The following ZCCHC7 variants were observed in gnomAD, a reference collection of about 807,000 sequenced individuals.
ZCCHC7 encodes zinc finger CCHC domain-containing protein 7.
In ZCCHC7, 35 loss-of-function variants were observed where a neutral mutation model predicts 52.0. The observed-to-expected ratio is 0.67, with a 90% CI of 0.51 to 0.89. The LOEUF (loss-of-function observed/expected upper bound fraction) is 0.89. Ranked by LOEUF, ZCCHC7 falls within the 40% of genes least tolerant of loss-of-function variation. ZCCHC7 has a pLI of 0.00. For missense variants in ZCCHC7, 574 were observed against 649.1 expected (o/e 0.88, Z 1.26); for synonymous variants, 217 against 221.5 (o/e 0.98, Z 0.18).
At chr9:37,137,801 T>C (rs945738603) in intron 2 of ZCCHC7, among the ~76,000 whole-genome samples, 3 of 152,234 alleles carry the variant, frequency 2.0e-5, no homozygotes, top group African/African-American at 7.2e-5. Flanking sequence ...AAACAATACA[T>C]TAAACTTTGC....
At chr9:37,199,747 C>A (rs1253805058) in intron 2 of ZCCHC7, among the ~76,000 whole-genome samples, 1 of 151,600 alleles carries the variant, frequency 6.6e-6, no homozygotes, top group Non-Finnish European at 1.5e-5. Flanking sequence ...TCTCTGTTGT[C>A]CAGGCTGGAG....
At chr9:37,149,203 G>T (rs553009816) in intron 2 of ZCCHC7, among the ~76,000 whole-genome samples, 1 of 152,088 alleles carries the variant, frequency 6.6e-6, no homozygotes, top group Non-Finnish European at 1.5e-5. Flanking sequence ...ATCTTGTACA[G>T]TATGGTATAG....
chr9:37,320,994 T>C (rs1424869634), intron 5 of ZCCHC7, among the ~76,000 whole-genome samples: 5 of 146,518 alleles, frequency 3.4e-5, no homozygotes, highest in Non-Finnish European at 7.5e-5. Flanking sequence ...TTTCTTTTTT[T>C]TTTTTTTTTT....
chr9:37,156,062 C>T (rs1395249351), intron 2 of ZCCHC7, among the ~76,000 whole-genome samples: 2 of 152,150 alleles, frequency 1.3e-5, no homozygotes, highest in Non-Finnish European at 2.9e-5. Context: ...TGTGTGTTAG[C>T]TGTTATTTTT....
chr9:37,233,878 G>A (rs529493152), intron 2 of ZCCHC7, among the ~76,000 whole-genome samples: 1 of 152,282 alleles, frequency 6.6e-6, no homozygotes, highest in African/African-American at 2.4e-5. Flanking sequence ...TTTTGAGACG[G>A]AGTCTTACTG....
At chr9:37,278,456 G>A (rs1469694364) in intron 2 of ZCCHC7, among the ~76,000 whole-genome samples, 1 of 151,738 alleles carries the variant, frequency 6.6e-6, no homozygotes, top group Non-Finnish European at 1.5e-5. Flanking sequence ...CTGAAAAACA[G>A]AAAGAAAACT....
intron 2 of ZCCHC7, among the ~76,000 whole-genome samples, chr9:37,175,763 T>A (rs955264737): frequency 4.6e-5 from 7 of 152,184 alleles, no homozygotes; most frequent in African/African-American, 1.7e-4. Context: ...TCTCCCATTT[T>A]ATAGTCCATT....
intron 2 of ZCCHC7, among the ~76,000 whole-genome samples, chr9:37,223,814 T>C (rs1824952367): frequency 6.6e-6 from 1 of 152,134 alleles, no homozygotes. Context: ...TGGTATAGTC[T>C]ATAACCATTG....
intron 6 of ZCCHC7, among the ~76,000 whole-genome samples, chr9:37,331,266 C>CTT (rs1291972246): frequency 6.6e-6 from 1 of 151,536 alleles, no homozygotes. Context: ...GCTTGACTTC[C>CTT]TTTCTGGCCT....
Position 37,126,517 on chromosome 9 carries a change from C to T in ZCCHC7, c.185C>T (p.Ser62Leu), listed in dbSNP as rs140974537. The change falls in exon 2 of 9, where the codon TCG becomes TTG. Residue 62 changes from serine (S) to leucine (L), a missense_variant. By Grantham distance (145) the Ser-to-Leu change is moderately radical (BLOSUM62 -2). Coordinates refer to ENST00000336755, the MANE Select transcript of ZCCHC7 (RefSeq NM_032226.3). ...CATGAAGAAAAGAACTCTGGGAATT[C>T]GGAATCTTCGAGTAGTAAACCAAAT... ...EEHEEKNSGN[S>L]ESSSSKPNQK... 994 of 1,613,760 alleles carry T rather than the reference C, an allele frequency of 6.2e-4. 5 individuals carry two copies. In the Middle Eastern group the frequency reaches 7.0e-3, roughly 11 times the overall value.
At chr9:37,307,859 G>A (rs1170515003) in intron 5 of ZCCHC7, among the ~76,000 whole-genome samples, 1 of 152,056 alleles carries the variant, frequency 6.6e-6, no homozygotes, top group African/African-American at 2.4e-5. Context: ...ACAAACAGTG[G>A]TGCATTTAAT....
intron 2 of ZCCHC7, among the ~76,000 whole-genome samples, chr9:37,235,727 T>C (rs1161147726): frequency 2.6e-5 from 4 of 151,538 alleles, no homozygotes; most frequent in Admixed American, 6.6e-5. Context: ...GCAGCTGGGA[T>C]TACAGGCACA....
chr9:37,155,084 GGTGTA>G (rs1422413029), intron 2 of ZCCHC7, among the ~76,000 whole-genome samples: 1 of 152,172 alleles, frequency 6.6e-6, no homozygotes, highest in African/African-American at 2.4e-5. Flanking sequence ...TGGCGGGCGG[GGTGTA>G]GTGGCTCACA....
At chr9:37,327,538 T>C (rs966198396) in intron 5 of ZCCHC7, 8 of 402,360 alleles carry the variant, frequency 2.0e-5, no homozygotes, top group East Asian at 1.1e-4. Context: ...CACATCTTAG[T>C]GCCCAAAACT....
At chr9:37,259,413 T>C (rs1826756154) in intron 2 of ZCCHC7, among the ~76,000 whole-genome samples, 1 of 152,210 alleles carries the variant, frequency 6.6e-6, no homozygotes, top group Non-Finnish European at 1.5e-5. Flanking sequence ...TCAAAATTTA[T>C]ACTTTTATAA....
rs1323058111 is a variant in ZCCHC7, at chr9:37,354,280, C to T, written c.1084-430C>T. 6.6e-6 allele frequency among the ~76,000 whole-genome samples: 1 copy of T among 152,062 alleles called. No homozygotes were observed. The highest frequency in any genetic ancestry group is 2.4e-5 in the African/African-American group (1 of 41,400). ...GAAAAAAAGATCAAAGGGCTTAGAA[C>T]TTATACCCACATTTTGGGGATAGGA... On this transcript the variant is annotated intron_variant, in intron 7 of 8. Coordinates refer to ENST00000336755, the MANE Select transcript of ZCCHC7 (RefSeq NM_032226.3). This position sits in a 1 kb window ranked among gnomAD's most constrained non-coding sequence, Gnocchi z 4.0.
intron 2 of ZCCHC7, among the ~76,000 whole-genome samples, chr9:37,274,788 G>A (rs12554988): frequency 1.0e-3 from 151 of 150,708 alleles, no homozygotes; most frequent in Admixed American, 1.7e-3. Context: ...TCATATGATT[G>A]TTAAAATCTT....
chr9:37,240,259 A>G (rs1319282602), intron 2 of ZCCHC7, among the ~76,000 whole-genome samples: 1 of 152,038 alleles, frequency 6.6e-6, no homozygotes, highest in Non-Finnish European at 1.5e-5. Flanking sequence ...TTTTTCTCAT[A>G]GTAAAATAAC....
intron 2 of ZCCHC7, among the ~76,000 whole-genome samples, chr9:37,229,065 GC>G (rs1825269114): frequency 6.6e-6 from 1 of 151,878 alleles, no homozygotes; most frequent in Admixed American, 6.6e-5. Context: ...GAACTCCTGA[GC>G]TCAAGCAATC....
Sources: allele counts gnomAD v4.1 joint callset (sites outside exome capture counted in the v4.1 genomes callset), GRCh38; gene constraint gnomAD v4.1.1; non-coding constraint Gnocchi (gnomAD v3.1); transcripts MANE v1.5; gene names NCBI Gene and HGNC (gene_info 2026-07-23, HGNC 2026-07-21).